The following VPS13D variants were observed in gnomAD, a reference collection of about 807,000 sequenced individuals.
VPS13D encodes the protein intermembrane lipid transfer protein VPS13D.
A neutral mutation model predicts 461.9 loss-of-function variants in VPS13D; 187 were observed. That is an observed-to-expected ratio of 0.40 (90% CI 0.36 to 0.46). The LOEUF (loss-of-function observed/expected upper bound fraction) is 0.46. Among genes scored for constraint, VPS13D ranks in the 20% least tolerant of loss-of-function variants. VPS13D has a pLI of 0.60. For synonymous variants in VPS13D, 1,951 were observed against 1,986.3 expected (o/e 0.98, Z 0.47); for missense variants, 4,711 against 5,364.9 (o/e 0.88, Z 3.81).
chr1:12,368,685 A>C (rs1024091313), intron 53 of VPS13D, 94 bp downstream of exon 53: 3 of 1,404,560 alleles, frequency 2.1e-6, no homozygotes, highest in African/African-American at 2.9e-5. Context: ...TACATTTTCA[A>C]CTTGGGTTTA....
chr1:12,347,821 G>C (rs1463508364), intron 44 of VPS13D, among the ~76,000 whole-genome samples: 3 of 152,082 alleles, frequency 2.0e-5, no homozygotes, highest in Admixed American at 2.0e-4. Flanking sequence ...TTTTTCTTTG[G>C]TGTACCTAAC....
intron 12 of VPS13D, 53 bp from the exon 13 acceptor site, chr1:12,261,848 C>T: frequency 6.8e-7 from 1 of 1,472,328 alleles, no homozygotes; most frequent in Non-Finnish European, 9.2e-7. Context: ...CTTGCTGGTG[C>T]TTTTTTATTC....
At chr1:12,442,584 A>G (rs1016174682) in intron 65 of VPS13D, among the ~76,000 whole-genome samples, 2 of 141,798 alleles carry the variant, frequency 1.4e-5, no homozygotes, top group Non-Finnish European at 3.0e-5. Flanking sequence ...GATTTCCCTT[A>G]CTTTTTTTTT....
At chr1:12,259,645 A>G (rs1641041518) in intron 10 of VPS13D, among the ~76,000 whole-genome samples, 1 of 152,164 alleles carries the variant, frequency 6.6e-6, no homozygotes, top group Non-Finnish European at 1.5e-5. Flanking sequence ...GACATAGAAG[A>G]AGAGAAAATC....
intron 65 of VPS13D, among the ~76,000 whole-genome samples, chr1:12,439,255 C>T (rs1171949706): frequency 6.6e-6 from 1 of 152,182 alleles, no homozygotes; most frequent in African/African-American, 2.4e-5. Context: ...CCCTCCACCC[C>T]TCACCAGCTC....
intron 16 of VPS13D, among the ~76,000 whole-genome samples, chr1:12,269,558 G>C (rs1374037507): frequency 6.6e-6 from 1 of 152,204 alleles, no homozygotes; most frequent in Non-Finnish European, 1.5e-5. Flanking sequence ...TTTCCTTCTA[G>C]ATGACAGGAT....
intron 35 of VPS13D, among the ~76,000 whole-genome samples, chr1:12,324,202 A>G (rs991376695): frequency 2.0e-5 from 3 of 152,064 alleles, no homozygotes; most frequent in African/African-American, 4.8e-5. Context: ...AGTCTTTAGT[A>G]GTGGATAAGA....
Position 12,355,915 on chromosome 1 carries a change from T to A in VPS13D, c.9696T>A (p.Asn3232Lys), listed in dbSNP as rs1302546536. 6.3e-7 allele frequency: 1 copy of A among 1,590,590 alleles called. No individual in the cohort carries two copies. The highest frequency in any genetic ancestry group is 8.6e-7 in the Non-Finnish European group (1 of 1,164,288). Residue 3232 changes from asparagine (N) to lysine (K), a missense_variant, in exon 48 of 70, where the codon AAT becomes AAA. Around this residue, in one of 3 missense-constraint regions of VPS13D, gnomAD observed 4,411 missense variants for 4,937.8 expected, o/e 0.89. Transcript: ENST00000620676. ...CTTCTTTAGGGGTATCACTGGAGAATTTCCCCCTCTGTAAAGAATTGCTCA... is the reference window on the plus strand; with the variant it reads ...CTTCTTTAGGGGTATCACTGGAGAAATTCCCCCTCTGTAAAGAATTGCTCA... ...QNIELGVSLE[N>K]FPLCKELLIP...
At chr1:12,326,109 T>G (rs1643175927) in intron 35 of VPS13D, among the ~76,000 whole-genome samples, 1 of 151,832 alleles carries the variant, frequency 6.6e-6, no homozygotes. Context: ...CATGACATAC[T>G]GGTTTACATT....
chr1:12,496,478 T>TGCTTACTG (rs1645958330), intron 67 of VPS13D, among the ~76,000 whole-genome samples: 1 of 152,252 alleles, frequency 6.6e-6, no homozygotes, highest in Non-Finnish European at 1.5e-5. Flanking sequence ...ATCTCTATGC[T>TGCTTACTG]GCTTACTGTT....
rs1642131922 is a variant in VPS13D at position 12,291,529 on chromosome 1, G to A, written c.5852+405G>A. 2.0e-5 allele frequency among the ~76,000 whole-genome samples: 3 copies of A among 152,268 alleles called. 1 individual carries two copies. In the South Asian group the frequency reaches 6.2e-4, roughly 32 times the overall value. On this transcript the variant is annotated intron_variant, in intron 23 of 69. Coordinates refer to ENST00000620676, the MANE Select transcript of VPS13D (RefSeq NM_015378.4). Reference sequence around the variant, plus strand: ...TTCTAGCTACTTGAGAGGCTGAGGTGGGAGGATCCCTTAATCCCAGGAGTT... The same window carrying A: ...TTCTAGCTACTTGAGAGGCTGAGGTAGGAGGATCCCTTAATCCCAGGAGTT...
chr1:12,456,272 G>C, intron 66 of VPS13D, 142 bp downstream of exon 66: 1 of 1,282,982 alleles, frequency 7.8e-7, no homozygotes, highest in Non-Finnish European at 1.0e-6. Context: ...GGGAGGCCTA[G>C]GAGAGTGGAT....
chr1:12,461,713 T>C (rs1645415097), intron 67 of VPS13D, among the ~76,000 whole-genome samples: 1 of 152,202 alleles, frequency 6.6e-6, no homozygotes, highest in African/African-American at 2.4e-5. Flanking sequence ...CAAAGAAGCA[T>C]GTGTATTCTT....
chr1:12,268,620 T>C lies in VPS13D; in HGVS notation c.1802-86T>C, dbSNP rs974760825. On this transcript the variant is annotated intron_variant, in intron 15 of 69. Coordinates refer to ENST00000620676, the MANE Select transcript of VPS13D (RefSeq NM_015378.4). ...ATTGAAAAATAATTTAGAAAATGTC[T>C]GTTTTTCCAGAATCCCTCACAGGTC... 5 of 1,404,786 alleles carry C rather than the reference T, an allele frequency of 3.6e-6. No individual in the cohort carries two copies. In the African/African-American group the frequency reaches 5.8e-5, roughly 16 times the overall value. The allele number at this position is 1,404,786 out of a possible 1,614,324, so 87.0% of individuals were successfully genotyped here.
rs372046118 is a variant in VPS13D at position 12,507,746 on chromosome 1, A to G, written c.13035+653A>G. On this transcript the variant is annotated intron_variant, in intron 69 of 69. Coordinates refer to ENST00000620676, the MANE Select transcript of VPS13D (RefSeq NM_015378.4). This position sits in a 1 kb window ranked among gnomAD's most constrained non-coding sequence, Gnocchi z 5.3. ...TAGCAGGTGATTCATTCAAGGCTAC[A>G]CAGCTGACCTTGAGGAGCCGGGGTT... Among the ~76,000 whole-genome samples the G allele has an allele frequency of 1.4e-3, 208 of 152,322 alleles. 1 individual carries two copies. Among genetic ancestry groups the G allele is most frequent in the African/African-American group, 4.8e-3 (199 of 41,578 alleles).
intron 6 of VPS13D, among the ~76,000 whole-genome samples, chr1:12,250,785 C>T (rs1640712106): frequency 1.3e-5 from 2 of 152,266 alleles, no homozygotes; most frequent in Admixed American, 6.5e-5. Flanking sequence ...TAGGGCTTGG[C>T]ACACTGGCCG....
intron 67 of VPS13D, among the ~76,000 whole-genome samples, chr1:12,482,530 A>G (rs893400937): frequency 1.3e-5 from 2 of 152,224 alleles, no homozygotes; most frequent in Non-Finnish European, 2.9e-5. Flanking sequence ...TACATACAAT[A>G]TATGATTTCT....
In VPS13D at chr1:12,234,382, G is replaced by C. The variant is rs938222484; in HGVS notation, c.97+19G>C. ...CTCAAAGGTGAGTATTTCTCTGGGT[G>C]AGATACAGCTTTATAGGTGGCGTTT... is the stretch of plus-strand genomic sequence containing the variant. On this transcript the variant is annotated intron_variant, in intron 2 of 69. Transcript: ENST00000620676. The C allele has an allele frequency of 2.5e-6, 4 of 1,595,304 alleles. No individual in the cohort carries two copies. Among genetic ancestry groups the C allele is most frequent in the African/African-American group, 1.3e-5 (1 of 74,358 alleles).
intron 44 of VPS13D, among the ~76,000 whole-genome samples, chr1:12,348,481 G>T (rs937734656): frequency 1.1e-4 from 16 of 152,292 alleles, no homozygotes; most frequent in African/African-American, 3.8e-4. Flanking sequence ...CAAATTACAG[G>T]AAGTTTGGAA....
Sources: gnomAD v4.1 joint callset for allele counts (sites outside exome capture counted in the v4.1 genomes callset) on GRCh38, gnomAD v4.1.1 for gene constraint, gnomAD v4.1.1 regional missense constraint, Gnocchi (gnomAD v3.1) non-coding constraint, MANE v1.5 for transcripts, NCBI Gene and HGNC (gene_info 2026-07-23, HGNC 2026-07-21) for gene names.